XRRA1: variants seen among roughly 807,000 people sequenced by gnomAD.
XRRA1 encodes the protein X-ray radiation resistance associated 1.
A neutral mutation model predicts 80.2 loss-of-function variants in XRRA1; 69 were observed. The ratio of observed to expected loss-of-function variants is 0.86; its 90% CI spans 0.71 to 1.05. XRRA1 has a LOEUF of 1.05. Ranked by LOEUF, XRRA1 falls within the 50% of genes least tolerant of loss-of-function variation. The probability of loss-of-function intolerance (pLI) is 0.00; values close to 1 mark genes in which losing one functional copy is unlikely to be tolerated. For synonymous variants in XRRA1, 348 were observed against 389.9 expected (o/e 0.89, Z 1.27); for missense variants, 967 against 976.4 (o/e 0.99, Z 0.13).
chr11:74,841,849 C>G lies in XRRA1; in HGVS notation c.*1351G>C, dbSNP rs892610949. 2 of 152,206 alleles carry G rather than the reference C, an allele frequency of 1.3e-5. No homozygotes were observed. The highest frequency in any genetic ancestry group is 4.8e-5 in the African/African-American group (2 of 41,440). 9.4% of individuals were successfully genotyped at this position (152,206 alleles called of 1,614,324 possible). On this transcript the variant is annotated 3_prime_UTR_variant, in exon 19 of 19. Coordinates refer to ENST00000684022, the MANE Select transcript of XRRA1 (RefSeq NM_001378157.1). ...CAGGCAGATTGCCCCTTCTTGGGGC[C>G]ACCACCCTCCAAAGCTGTGCCACCA...
intron 10 of XRRA1, among the ~76,000 whole-genome samples, chr11:74,890,641 T>C (rs576724918): frequency 2.0e-5 from 3 of 151,952 alleles, no homozygotes; most frequent in East Asian, 1.9e-4. Context: ...ATCAACAAAA[T>C]TGATAGACCG....
At chr11:74,882,261 C>G (rs1269779257) in intron 10 of XRRA1, among the ~76,000 whole-genome samples, 1 of 151,732 alleles carries the variant, frequency 6.6e-6, no homozygotes, top group Non-Finnish European at 1.5e-5. Context: ...TCATTCATTT[C>G]ATCTTCCATC....
At chr11:74,904,575 G>GAAGAAAAAA (rs1339464159) in intron 10 of XRRA1, among the ~76,000 whole-genome samples, 1 of 150,596 alleles carries the variant, frequency 6.6e-6, no homozygotes, top group Non-Finnish European at 1.5e-5. Context: ...GTGCTCACAA[G>GAAGAAAAAA]AAGAAAAAAA....
chr11:74,856,590 A>C (rs2041160954), intron 12 of XRRA1, among the ~76,000 whole-genome samples: 1 of 152,184 alleles, frequency 6.6e-6, no homozygotes, highest in Admixed American at 6.5e-5. Context: ...CTTAAGAAGA[A>C]ATCAGGTAAA....
chr11:74,878,586 T>G (rs1270750785), intron 10 of XRRA1, among the ~76,000 whole-genome samples: 4 of 151,930 alleles, frequency 2.6e-5, no homozygotes, highest in Non-Finnish European at 4.4e-5. Context: ...CTAGGGTTTT[T>G]ATGGTTTTAG....
intron 10 of XRRA1, among the ~76,000 whole-genome samples, chr11:74,878,239 T>G (rs1257392967): frequency 6.0e-5 from 9 of 150,706 alleles, no homozygotes; most frequent in African/African-American, 2.0e-4. Flanking sequence ...TTTCATGTGT[T>G]TTTTGGCTGC....
rs764937884 is a variant in XRRA1 at position 74,859,147 on chromosome 11, C to G, written c.1170+11G>C. ...TGCCCCTGAGTAAACAGGAGAGGAG[C>G]AGAAAGTCACCTTGTTGTAGGCCAG... On this transcript the variant is annotated intron_variant, in intron 12 of 18. Coordinates refer to ENST00000684022, the MANE Select transcript of XRRA1 (RefSeq NM_001378157.1). 19 of 1,588,966 alleles carry G rather than the reference C, an allele frequency of 1.2e-5. No homozygotes were observed. In the South Asian group the frequency reaches 2.0e-4, roughly 16 times the overall value.
chr11:74,913,209 G>C (rs1190239970), intron 8 of XRRA1, among the ~76,000 whole-genome samples: 3 of 152,122 alleles, frequency 2.0e-5, no homozygotes, highest in African/African-American at 7.2e-5. Flanking sequence ...TGAAACCCCA[G>C]GAACTTTTCT....
At chr11:74,874,344 CT>C (rs2045598582) in intron 10 of XRRA1, among the ~76,000 whole-genome samples, 1 of 151,352 alleles carries the variant, frequency 6.6e-6, no homozygotes, top group Non-Finnish European at 1.5e-5. Context: ...TAAAACAAGC[CT>C]TACTTAAGGT....
At chr11:74,943,524 G>GGTGTGTGTGTGTGT (rs67590742) in intron 2 of XRRA1, among the ~76,000 whole-genome samples, 2,311 of 137,704 alleles carry the variant, frequency 0.017, 49 homozygotes, top group East Asian at 0.03. Flanking sequence ...AGAGTAGGAG[G>GGTGTGTGTGTGTGT]GTGTGTGTGT....
intron 6 of XRRA1, among the ~76,000 whole-genome samples, chr11:74,929,000 T>G (rs1027540665): frequency 1.3e-5 from 2 of 152,176 alleles, no homozygotes; most frequent in African/African-American, 4.8e-5. Flanking sequence ...CTGTAATTAT[T>G]AGTGAGGTTG....
Position 74,937,077 on chromosome 11 carries a change from A to G in XRRA1, c.95-9T>C. Reference sequence around the variant, plus strand: ...TAACCAGTGTCCTTGGCCTGTTGAGAAAATTAGAACAGTGAAAAGGGGAAA... The same window carrying G: ...TAACCAGTGTCCTTGGCCTGTTGAGGAAATTAGAACAGTGAAAAGGGGAAA... On this transcript the variant is annotated splice_polypyrimidine_tract_variant and intron_variant, in intron 3 of 18. Transcript: ENST00000684022. The G allele has an allele frequency of 1.2e-6, 2 of 1,610,548 alleles. No homozygotes were observed. The highest frequency in any genetic ancestry group is 8.5e-7 in the Non-Finnish European group (1 of 1,178,246).
rs539368485 is a variant in XRRA1, at chr11:74,849,682, T to C, written c.1381-1220A>G. 2.6e-5 allele frequency among the ~76,000 whole-genome samples: 4 copies of C among 152,286 alleles called. No individual in the cohort carries two copies. In the South Asian group the frequency reaches 8.3e-4, roughly 32 times the overall value. On this transcript the variant is annotated intron_variant, in intron 14 of 18. Transcript: ENST00000684022. The stretch of plus-strand genomic sequence containing the variant: ...TCCCCGCCCCCTCCCAAGGGAGGAA[T>C]GGGTAACCTAACTGGCCAGAGGTTG...
At chr11:74,924,715 C>G (rs1341863591) in intron 7 of XRRA1, among the ~76,000 whole-genome samples, 5 of 152,058 alleles carry the variant, frequency 3.3e-5, no homozygotes, top group Non-Finnish European at 7.4e-5. Context: ...CACTCATAGT[C>G]CCAGCTACTT....
chr11:74,864,187 C>T (rs550855336), intron 10 of XRRA1: 2 of 152,260 alleles, frequency 1.3e-5, no homozygotes, highest in South Asian at 4.1e-4. Context: ...AAAAGTTTCA[C>T]TCCTGAAACA....
At chr11:74,865,147 C>T (rs891891126) in intron 10 of XRRA1, among the ~76,000 whole-genome samples, 36 of 151,594 alleles carry the variant, frequency 2.4e-4, no homozygotes, top group Non-Finnish European at 1.9e-4. Context: ...CAAATCCCAG[C>T]GGGGCCCAGT....
At chr11:74,892,593 T>G (rs374964543) in intron 10 of XRRA1, among the ~76,000 whole-genome samples, 81 of 151,094 alleles carry the variant, frequency 5.4e-4, no homozygotes, top group South Asian at 5.0e-3. Flanking sequence ...CACAGCAAAA[T>G]AAACTACCAT....
intron 10 of XRRA1, among the ~76,000 whole-genome samples, chr11:74,880,701 G>C (rs1433196892): frequency 6.6e-6 from 1 of 150,770 alleles, no homozygotes; most frequent in Non-Finnish European, 1.5e-5. Context: ...CTTTATTTCT[G>C]CCTTCATTTC....
chr11:74,943,259 C>A (rs934139934), intron 2 of XRRA1, among the ~76,000 whole-genome samples: 11 of 151,980 alleles, frequency 7.2e-5, no homozygotes, highest in South Asian at 2.1e-4. Flanking sequence ...AGTTCTGACT[C>A]TAGGGTATGA....
Sources: gnomAD v4.1 joint callset for allele counts (sites outside exome capture counted in the v4.1 genomes callset) on GRCh38, gnomAD v4.1.1 for gene constraint, MANE v1.5 for transcripts, NCBI Gene and HGNC (gene_info 2026-07-23, HGNC 2026-07-21) for gene names.